ANK2: variants seen among roughly 807,000 people sequenced by gnomAD.
ANK2 encodes ankyrin-2.
ANK2 carries 83 observed loss-of-function variants against 360.5 expected under a neutral mutation model. That is an observed-to-expected ratio of 0.23 (90% CI 0.19 to 0.28). ANK2 has a LOEUF of 0.28. Among genes scored for constraint, ANK2 ranks in the 10% least tolerant of loss-of-function variants. ANK2 has a pLI of 1.00. For synonymous variants in ANK2, 1,740 were observed against 1,759.5 expected (o/e 0.99, Z 0.28); for missense variants, 4,201 against 4,795.7 (o/e 0.88, Z 3.66).
chr4:113,221,584 G>C (rs767458765), intron 4 of ANK2, among the ~76,000 whole-genome samples: 1 of 151,850 alleles, frequency 6.6e-6, no homozygotes, highest in East Asian at 1.9e-4. Flanking sequence ...GCTTGAACCC[G>C]GGAGGCGGAG....
At chr4:113,340,273 A>T (rs1445803683) in intron 32 of ANK2, among the ~76,000 whole-genome samples, 2 of 152,228 alleles carry the variant, frequency 1.3e-5, no homozygotes, top group Non-Finnish European at 2.9e-5. Context: ...GTGACTCGAG[A>T]CATGTGTTGG....
At chr4:113,205,215 G>A (rs1191785221) in intron 4 of ANK2, among the ~76,000 whole-genome samples, 4 of 110,016 alleles carry the variant, frequency 3.6e-5, no homozygotes, top group African/African-American at 7.3e-5. Flanking sequence ...CAGTCTGGGC[G>A]ACAGAGCAAG....
chr4:112,821,915 G>A (rs934819687), intron 1 of ANK2, among the ~76,000 whole-genome samples: 1 of 151,732 alleles, frequency 6.6e-6, no homozygotes, highest in Non-Finnish European at 1.5e-5. Flanking sequence ...CCACAGGTGT[G>A]TGCCACCACG....
At chr4:113,112,603 G>A (rs2094412489) in intron 1 of ANK2, among the ~76,000 whole-genome samples, 1 of 152,134 alleles carries the variant, frequency 6.6e-6, no homozygotes, top group African/African-American at 2.4e-5. Flanking sequence ...CACTATTTAT[G>A]ACCTACACTT....
the ANK2 span, among the ~76,000 whole-genome samples, chr4:112,706,008 G>T: frequency 4.0e-5 from 6 of 151,468 alleles, no homozygotes; most frequent in Non-Finnish European, 8.9e-5. Context: ...TGCGGCGCAG[G>T]AGCCGGGGCG....
chr4:112,829,884 G>C (rs895777426), intron 1 of ANK2, among the ~76,000 whole-genome samples: 1 of 152,076 alleles, frequency 6.6e-6, no homozygotes, highest in African/African-American at 2.4e-5. Context: ...GCGTGAACCC[G>C]GGTGGTGGAG....
At chr4:113,074,306 G>T (rs1580819580) in intron 1 of ANK2, among the ~76,000 whole-genome samples, 1 of 152,292 alleles carries the variant, frequency 6.6e-6, no homozygotes, top group Middle Eastern at 3.4e-3. Context: ...TACCATCTAA[G>T]ACAGCAATTC....
intron 2 of ANK2, among the ~76,000 whole-genome samples, chr4:113,044,414 C>T (rs2063757259): frequency 2.0e-5 from 3 of 152,186 alleles, no homozygotes; most frequent in Admixed American, 6.5e-5. Context: ...CTTCCACCTA[C>T]ATTCTACAGG....
intron 2 of ANK2, among the ~76,000 whole-genome samples, chr4:112,966,545 T>G (rs898462904): frequency 3.3e-5 from 5 of 151,838 alleles, no homozygotes; most frequent in African/African-American, 1.2e-4. Flanking sequence ...ATAATAAGAG[T>G]TTCTTCACGT....
the ANK2 span, among the ~76,000 whole-genome samples, chr4:112,768,197 A>G: frequency 6.6e-6 from 1 of 152,114 alleles, no homozygotes; most frequent in Admixed American, 6.5e-5. Context: ...TTCAGTCCTC[A>G]TCCCAACTGA....
At chr4:113,247,196 G>T (rs966615403) in intron 9 of ANK2, among the ~76,000 whole-genome samples, 2 of 151,306 alleles carry the variant, frequency 1.3e-5, no homozygotes, top group Non-Finnish European at 2.9e-5. Context: ...AAAACACAAG[G>T]GGTCTCTGGA....
At chr4:112,754,542 A>C in the ANK2 span, among the ~76,000 whole-genome samples, 1 of 151,388 alleles carries the variant, frequency 6.6e-6, no homozygotes, top group African/African-American at 2.4e-5. Context: ...TATGTTAAAA[A>C]CTTTTAATGA....
intron 45 of ANK2, chr4:113,373,651 T>G: frequency 1.3e-6 from 1 of 761,310 alleles, no homozygotes. Flanking sequence ...GTAGGCATTA[T>G]ACTCATTGTT....
intron 2 of ANK2, among the ~76,000 whole-genome samples, chr4:113,027,096 G>A (rs2059438079): frequency 6.6e-6 from 1 of 152,084 alleles, no homozygotes. Context: ...GAAGTTGGAT[G>A]GTGATACATC....
At chr4:113,317,444 G>T in intron 24 of ANK2, 1 of 477,550 alleles carries the variant, frequency 2.1e-6, no homozygotes, top group South Asian at 2.1e-5. Flanking sequence ...TTTCTGGGAA[G>T]AAAATGAATC....
intron 2 of ANK2, among the ~76,000 whole-genome samples, chr4:112,999,116 A>G (rs2049679457): frequency 6.6e-6 from 1 of 152,204 alleles, no homozygotes; most frequent in African/African-American, 2.4e-5. Flanking sequence ...CCTTTTAAAT[A>G]TTAAAATAAA....
intron 1 of ANK2, among the ~76,000 whole-genome samples, chr4:112,872,095 T>C (rs2073300470): frequency 6.6e-6 from 1 of 151,764 alleles, no homozygotes; most frequent in Non-Finnish European, 1.5e-5. Flanking sequence ...GGTGCAATTG[T>C]AGCTCACTGT....
intron 4 of ANK2, among the ~76,000 whole-genome samples, chr4:113,201,192 C>G (rs2098825568): frequency 6.6e-6 from 1 of 151,880 alleles, no homozygotes; most frequent in African/African-American, 2.4e-5. Flanking sequence ...TTGAGCTATC[C>G]CAATGCTGGA....
the ANK2 span, among the ~76,000 whole-genome samples, chr4:112,717,721 C>A: frequency 1.3e-5 from 2 of 152,022 alleles, no homozygotes; most frequent in African/African-American, 4.8e-5. Flanking sequence ...TTACCAAGTA[C>A]TTGTATAGCT....
Sources: gnomAD v4.1 joint callset for allele counts (sites outside exome capture counted in the v4.1 genomes callset) on GRCh38, gnomAD v4.1.1 for gene constraint, MANE v1.5 for transcripts, NCBI Gene and HGNC (gene_info 2026-07-23, HGNC 2026-07-21) for gene names.